TUBB8B: variants seen among roughly 807,000 people sequenced by gnomAD.
TUBB8B encodes tubulin beta 8B.
Under a neutral mutation model 31.9 loss-of-function variants are expected in TUBB8B, and 26 were observed. That is an observed-to-expected ratio of 0.81 (90% CI 0.60 to 1.13). TUBB8B has a LOEUF of 1.13. Ranked by LOEUF, TUBB8B falls within the 50% of genes most tolerant of loss-of-function variation. The probability of loss-of-function intolerance (pLI) is 0.00; values close to 1 mark genes in which losing one functional copy is unlikely to be tolerated. For synonymous variants in TUBB8B, 173 were observed against 231.0 expected (o/e 0.75, Z 2.28); for missense variants, 467 against 586.7 (o/e 0.80, Z 2.11).
chr18:73,065 C>T, the TUBB8B span, among the ~76,000 whole-genome samples: 1 of 152,162 alleles, frequency 6.6e-6, no homozygotes, highest in Non-Finnish European at 1.5e-5. Context: ...ATCCCCACCG[C>T]CCGACGGCGT....
chr18:54,467 A>G (rs192514837), upstream of TUBB8B, among the ~76,000 whole-genome samples: 1 of 151,730 alleles, frequency 6.6e-6, no homozygotes, highest in Non-Finnish European at 1.5e-5. Context: ...GCTATCAAAT[A>G]CTGTCTTATT....
chr18:68,866 A>C, the TUBB8B span, among the ~76,000 whole-genome samples: 1 of 152,160 alleles, frequency 6.6e-6, no homozygotes. Context: ...GGGACACAGC[A>C]GCCTCCTGGG....
the TUBB8B span, among the ~76,000 whole-genome samples, chr18:72,177 C>CAAAAAAAAA: frequency 3.2e-3 from 253 of 78,710 alleles, 3 homozygotes; most frequent in East Asian, 7.9e-3. Context: ...GACTCCATCT[C>CAAAAAAAAA]AAAAAAAAAA....
the TUBB8B span, among the ~76,000 whole-genome samples, chr18:63,707 CCCTAACACTAA>C: frequency 9.1e-6 from 1 of 110,138 alleles, no homozygotes; most frequent in Non-Finnish European, 2.1e-5. Flanking sequence ...CTAACCCTAA[CCCTAACACTAA>C]CCCTAACCCC....
chr18:48,139 C>A lies in TUBB8B; in HGVS notation c.586G>T (p.Ala196Ser), dbSNP rs769531648. 15 of 1,613,996 alleles carry A rather than the reference C, an allele frequency of 9.3e-6. No homozygotes were observed. The highest frequency in any genetic ancestry group is 1.2e-5 in the Non-Finnish European group (14 of 1,179,944). The change falls in exon 4 of 4, where the codon GCG (alanine) becomes TCG (serine). Residue 196 changes from alanine (A) to serine (S), a missense_variant. By Grantham distance (99) the Ala-to-Ser change is moderately conservative (BLOSUM62 1). This residue lies in a region of TUBB8B where 259 missense variants were observed against 380.1 expected (regional missense o/e 0.68). Coordinates refer to ENST00000308911, the MANE Select transcript of TUBB8B (RefSeq NM_001358689.2). The part of the protein sequence containing the change: ...TLSVHQLIEN[A>S]DETFCIDNEA... ...TTATCTATGCAGAAGGTCTCATCCG[C>A]GTTTTCTATGAGCTGGTGGACTGAG...
chr18:72,823 C>T, the TUBB8B span, among the ~76,000 whole-genome samples: 4 of 151,966 alleles, frequency 2.6e-5, no homozygotes, highest in African/African-American at 7.3e-5. Flanking sequence ...CAAAATTAGC[C>T]GGGCGTGGTG....
In TUBB8B at chr18:49,410, G is replaced by C. The variant is rs1209366919; in HGVS notation, c.57+91C>G. On this transcript the variant is annotated intron_variant, in intron 1 of 3. Transcript: ENST00000308911. ...GTCCCCGGCAGGGAGCCCAGGGGCCGCAATGCAGGGGCACCGCTCCCGCCA... is the reference window on the plus strand; with the variant it reads ...GTCCCCGGCAGGGAGCCCAGGGGCCCCAATGCAGGGGCACCGCTCCCGCCA... The C allele has an allele frequency of 7.1e-6, 6 of 839,774 alleles. No homozygotes were observed. The East Asian group carries it at 1.7e-4, about 23-fold the overall frequency. The allele number at this position is 839,774 out of a possible 1,614,324, so 52.0% of individuals were successfully genotyped here.
At chr18:70,176 AAAG>A in the TUBB8B span, among the ~76,000 whole-genome samples, 2 of 152,232 alleles carry the variant, frequency 1.3e-5, no homozygotes, top group Admixed American at 6.5e-5. Context: ...ATAAAAAATA[AAAG>A]AAAGGAGAAA....
chr18:47,817 C>T lies in TUBB8B; in HGVS notation c.908G>A (p.Cys303Tyr), dbSNP rs543933409. The change falls in exon 4 of 4, where the codon TGT (cysteine) becomes TAT (tyrosine). Residue 303 changes from cysteine to tyrosine, a missense_variant. By Grantham distance (194) the Cys-to-Tyr change is radical. Transcript: ENST00000308911. ...TAGGTAGCAGCCGTGACGGGGGTCACAGGCAGCCATCATGTTCTTAGCATC... is the reference window on the plus strand; with the variant it reads ...TAGGTAGCAGCCGTGACGGGGGTCATAGGCAGCCATCATGTTCTTAGCATC... ...MFDAKNMMAA[C>Y]DPRHGCYLTV... The T allele has an allele frequency of 3.5e-4, 564 of 1,611,764 alleles. 5 individuals carry two copies. The South Asian group carries it at 5.8e-3, about 16-fold the overall frequency.
At chr18:57,913 G>A in the TUBB8B span, among the ~76,000 whole-genome samples, 2 of 151,894 alleles carry the variant, frequency 1.3e-5, no homozygotes, top group African/African-American at 4.8e-5. Context: ...CTTATGGCTT[G>A]CACCCTCTGA....
chr18:61,223 A>G, the TUBB8B span, among the ~76,000 whole-genome samples: 1 of 151,528 alleles, frequency 6.6e-6, no homozygotes, highest in Non-Finnish European at 1.5e-5. Context: ...ATCTTCCTAC[A>G]GTCTTTTGTT....
chr18:56,298 T>G, the TUBB8B span, among the ~76,000 whole-genome samples: 928 of 151,988 alleles, frequency 6.1e-3, 25 homozygotes, highest in Non-Finnish European at 0.01. Flanking sequence ...CAGAATAGCT[T>G]TGACTATTAT....
chr18:62,041 C>T, the TUBB8B span, among the ~76,000 whole-genome samples: 192 of 151,868 alleles, frequency 1.3e-3, 3 homozygotes, highest in Non-Finnish European at 2.5e-3. Context: ...TGAAATACCT[C>T]AGTTTTTGTT....
At chr18:67,085 T>C in the TUBB8B span, among the ~76,000 whole-genome samples, 1 of 148,294 alleles carries the variant, frequency 6.7e-6, no homozygotes, top group Admixed American at 6.8e-5. Context: ...AACCTCTGCC[T>C]CCCGGGTTCA....
At chr18:66,106 G>C in the TUBB8B span, among the ~76,000 whole-genome samples, 210 of 152,264 alleles carry the variant, frequency 1.4e-3, 2 homozygotes, top group Middle Eastern at 6.8e-3. Context: ...GTGCATATCT[G>C]TAGTCCTAGT....
At chr18:59,986 T>C in the TUBB8B span, among the ~76,000 whole-genome samples, 1 of 151,782 alleles carries the variant, frequency 6.6e-6, no homozygotes, top group African/African-American at 2.4e-5. Context: ...TTTTTGCAAA[T>C]TTTTGCATCA....
rs769266739 is a variant in TUBB8B at position 48,174 on chromosome 18, T to C, written c.551A>G (p.Asn184Ser). The change falls in exon 4 of 4, where the codon AAC becomes AGC. Residue 184 changes from asparagine (N) to serine (S), a missense_variant. This residue lies in a region of TUBB8B where 259 missense variants were observed against 380.1 expected (regional missense o/e 0.68). Transcript: ENST00000308911. ...GAGCTGGTGGACTGAGAGGGTGGCG[T>C]TGTAGGGCTCCACCACGGTGTCCGA... ...KVSDTVVEPY[N>S]ATLSVHQLIE... is the part of the protein sequence containing the mutation. 6.2e-7 allele frequency: 1 copy of C among 1,613,682 alleles called. No homozygotes were observed. Among genetic ancestry groups the C allele is most frequent in the Non-Finnish European group, 8.5e-7 (1 of 1,179,560 alleles).
At chr18:52,260 T>C (rs1435252530), upstream of TUBB8B, among the ~76,000 whole-genome samples, 1 of 151,882 alleles carries the variant, frequency 6.6e-6, no homozygotes, top group African/African-American at 2.4e-5. Context: ...GGGGCCTCTT[T>C]CCTGGGGCAG....
chr18:66,907 G>A, the TUBB8B span, among the ~76,000 whole-genome samples: 1 of 152,084 alleles, frequency 6.6e-6, no homozygotes, highest in African/African-American at 2.4e-5. Flanking sequence ...ATGAATATGA[G>A]GCATCTTTAA....
Sources: gnomAD v4.1 joint callset for allele counts (sites outside exome capture counted in the v4.1 genomes callset) on GRCh38, gnomAD v4.1.1 for gene constraint, gnomAD v4.1.1 regional missense constraint, MANE v1.5 for transcripts, NCBI Gene and HGNC (gene_info 2026-07-23, HGNC 2026-07-21) for gene names.